LINGO2: variants seen among roughly 807,000 people sequenced by gnomAD.
The protein encoded by LINGO2 is leucine-rich repeat and immunoglobulin-like domain-containing nogo receptor-interacting protein 2.
LINGO2 carries 14 observed loss-of-function variants against 30.6 expected under a neutral mutation model. The ratio of observed to expected loss-of-function variants is 0.46; its 90% CI spans 0.30 to 0.72. The LOEUF (loss-of-function observed/expected upper bound fraction) is 0.72. Ranked by LOEUF, LINGO2 falls within the 30% of genes least tolerant of loss-of-function variation. The probability of loss-of-function intolerance (pLI) is 0.07; values close to 1 mark genes in which losing one functional copy is unlikely to be tolerated. For synonymous variants in LINGO2, 317 were observed against 288.5 expected (o/e 1.10, Z -1.00); for missense variants, 729 against 751.7 (o/e 0.97, Z 0.35).
At chr9:28,213,175 A>G (rs375649442) in intron 4 of LINGO2, among the ~76,000 whole-genome samples, 45 of 151,670 alleles carry the variant, frequency 3.0e-4, no homozygotes, top group African/African-American at 1.1e-3. Context: ...TTCAAAATAC[A>G]TGCCTTCAAA....
intron 4 of LINGO2, among the ~76,000 whole-genome samples, chr9:28,204,956 C>A (rs1332057630): frequency 6.6e-6 from 1 of 152,138 alleles, no homozygotes; most frequent in Non-Finnish European, 1.5e-5. Context: ...GGCCCACTAG[C>A]CCAATTGGCC....
At chr9:28,860,916 G>A in the LINGO2 span, among the ~76,000 whole-genome samples, 2 of 138,540 alleles carry the variant, frequency 1.4e-5, no homozygotes, top group Non-Finnish European at 3.0e-5. Flanking sequence ...TTAAGCTCTA[G>A]CCTTATAAAT....
the LINGO2 span, among the ~76,000 whole-genome samples, chr9:28,750,081 TTC>T: frequency 3.3e-3 from 499 of 152,218 alleles, 2 homozygotes; most frequent in Middle Eastern, 6.8e-3. Context: ...TTTAGCCCAA[TTC>T]TCTTTTTACT....
chr9:29,118,212 T>C, the LINGO2 span, among the ~76,000 whole-genome samples: 2 of 152,148 alleles, frequency 1.3e-5, no homozygotes, highest in Non-Finnish European at 2.9e-5. Context: ...TTTGCATTCA[T>C]TCATCACTAA....
chr9:27,957,911 AGAC>A (rs1210836348), intron 5 of LINGO2, among the ~76,000 whole-genome samples: 1 of 152,116 alleles, frequency 6.6e-6, no homozygotes, highest in African/African-American at 2.4e-5. Flanking sequence ...CTAGAAATAA[AGAC>A]AGTTTCATTC....
chr9:29,132,119 G>A, the LINGO2 span, among the ~76,000 whole-genome samples: 2 of 151,814 alleles, frequency 1.3e-5, no homozygotes, highest in Non-Finnish European at 2.9e-5. Context: ...CAATAGGTAG[G>A]GAGTGTGCCA....
At chr9:28,637,305 G>T (rs970565993) in intron 1 of LINGO2, among the ~76,000 whole-genome samples, 1 of 152,144 alleles carries the variant, frequency 6.6e-6, no homozygotes, top group Non-Finnish European at 1.5e-5. Context: ...GGCGATGCGG[G>T]CTCTTTTTTG....
At chr9:28,569,386 T>C (rs1225667081) in intron 1 of LINGO2, among the ~76,000 whole-genome samples, 1 of 150,804 alleles carries the variant, frequency 6.6e-6, no homozygotes, top group Non-Finnish European at 1.5e-5. Flanking sequence ...AGAAATAACA[T>C]AAATTCCTAG....
chr9:29,174,124 A>C, the LINGO2 span, among the ~76,000 whole-genome samples: 4 of 152,186 alleles, frequency 2.6e-5, no homozygotes, highest in Non-Finnish European at 5.9e-5. Flanking sequence ...TCTAAAAAAA[A>C]AAAATTAATG....
the LINGO2 span, among the ~76,000 whole-genome samples, chr9:28,865,609 C>T: frequency 1.3e-5 from 2 of 152,138 alleles, no homozygotes; most frequent in East Asian, 3.9e-4. Flanking sequence ...GGAGAAACAC[C>T]GTCTCTACTA....
intron 2 of LINGO2, among the ~76,000 whole-genome samples, chr9:28,419,893 C>A (rs1365879499): frequency 6.6e-6 from 1 of 151,500 alleles, no homozygotes; most frequent in Non-Finnish European, 1.5e-5. Context: ...AAGGTGGCTG[C>A]CAATATAAAA....
the LINGO2 span, among the ~76,000 whole-genome samples, chr9:29,094,216 G>T: frequency 1.4e-5 from 2 of 138,340 alleles, no homozygotes; most frequent in African/African-American, 5.4e-5. Flanking sequence ...TCATTTAATT[G>T]TCTAGAGCCA....
the LINGO2 span, among the ~76,000 whole-genome samples, chr9:28,822,040 T>A: frequency 6.6e-6 from 1 of 152,102 alleles, no homozygotes; most frequent in African/African-American, 2.4e-5. Context: ...ACCAGCCTGG[T>A]CAGAGCAAGC....
chr9:29,004,408 G>A, the LINGO2 span, among the ~76,000 whole-genome samples: 1 of 151,848 alleles, frequency 6.6e-6, no homozygotes, highest in Non-Finnish European at 1.5e-5. Flanking sequence ...AGAAATTCTG[G>A]TTAATCAGTG....
chr9:28,650,045 AAAC>A (rs1233290703), intron 1 of LINGO2, among the ~76,000 whole-genome samples: 5 of 151,988 alleles, frequency 3.3e-5, no homozygotes, highest in South Asian at 2.1e-4. Flanking sequence ...GGAAAAAAAA[AAAC>A]AACAACAAAC....
intron 2 of LINGO2, among the ~76,000 whole-genome samples, chr9:28,431,514 G>A (rs902140022): frequency 2.6e-5 from 4 of 152,176 alleles, no homozygotes; most frequent in African/African-American, 9.6e-5. Flanking sequence ...TAATATTTTA[G>A]TCAAGATTGA....
chr9:28,940,745 C>T, the LINGO2 span, among the ~76,000 whole-genome samples: 627 of 152,204 alleles, frequency 4.1e-3, 5 homozygotes, highest in African/African-American at 0.014. Flanking sequence ...GGATTGCTGA[C>T]AGGACTTTCA....
chr9:28,106,486 A>T (rs1417261685), intron 4 of LINGO2, among the ~76,000 whole-genome samples: 1 of 152,204 alleles, frequency 6.6e-6, no homozygotes, highest in Non-Finnish European at 1.5e-5. Flanking sequence ...AAAGTCGAAG[A>T]GGAAAACTTC....
chr9:28,828,279 G>C, the LINGO2 span, among the ~76,000 whole-genome samples: 44 of 151,554 alleles, frequency 2.9e-4, no homozygotes, highest in Non-Finnish European at 4.6e-4. Flanking sequence ...TTAGAATAAT[G>C]GTTTTAAAAG....
Sources: gnomAD v4.1 joint callset for allele counts (sites outside exome capture counted in the v4.1 genomes callset) on GRCh38, gnomAD v4.1.1 for gene constraint, MANE v1.5 for transcripts, NCBI Gene and HGNC (gene_info 2026-07-23, HGNC 2026-07-21) for gene names.